Variants in BAIAP2L1 observed in about 807,000 individuals in gnomAD.
BAIAP2L1 encodes the protein BAR/IMD domain-containing adapter protein 2-like 1.
BAIAP2L1 carries 35 observed loss-of-function variants against 66.3 expected under a neutral mutation model. The ratio of observed to expected loss-of-function variants is 0.53; its 90% CI spans 0.40 to 0.70. The LOEUF is 0.70. Ranked by LOEUF, BAIAP2L1 falls within the 30% of genes least tolerant of loss-of-function variation. BAIAP2L1 has a pLI of 0.00. For synonymous variants in BAIAP2L1, 269 were observed against 248.7 expected (o/e 1.08, Z -0.77); for missense variants, 622 against 656.9 (o/e 0.95, Z 0.58).
chr7:98,392,035 T>C (rs1803057306), intron 1 of BAIAP2L1, among the ~76,000 whole-genome samples: 1 of 151,928 alleles, frequency 6.6e-6, no homozygotes, highest in African/African-American at 2.4e-5. Context: ...GAAGTGGTTT[T>C]AAAAGATCTA....
chr7:98,314,755 A>G (rs1801010161), intron 7 of BAIAP2L1, among the ~76,000 whole-genome samples: 2 of 152,128 alleles, frequency 1.3e-5, no homozygotes, highest in African/African-American at 4.8e-5. Context: ...TGAAGGGAGC[A>G]TCTCAAATCG....
At chr7:98,347,786 A>AAC (rs966302941) in intron 3 of BAIAP2L1, among the ~76,000 whole-genome samples, 2 of 152,146 alleles carry the variant, frequency 1.3e-5, no homozygotes, top group African/African-American at 4.8e-5. Flanking sequence ...TCAAAAAAAA[A>AAC]AAGAAATTAG....
chr7:98,355,406 G>A, intron 2 of BAIAP2L1: 1 of 458,786 alleles, frequency 2.2e-6, no homozygotes, highest in Middle Eastern at 6.2e-4. Flanking sequence ...GCTTGCTCCT[G>A]ATGCCAGTTT....
intron 1 of BAIAP2L1, among the ~76,000 whole-genome samples, chr7:98,363,650 C>T (rs577380436): frequency 4.6e-5 from 7 of 152,266 alleles, no homozygotes; most frequent in African/African-American, 1.2e-4. Context: ...ACTCACAACA[C>T]GTGGCGATTG....
chr7:98,313,936 ACTAATT>A (rs1332850006), intron 7 of BAIAP2L1, among the ~76,000 whole-genome samples: 2 of 147,558 alleles, frequency 1.4e-5, no homozygotes, highest in Non-Finnish European at 3.0e-5. Context: ...GGCCTGCTGT[ACTAATT>A]TTAAATCTTA....
intron 3 of BAIAP2L1, among the ~76,000 whole-genome samples, chr7:98,323,773 C>T (rs749230787): frequency 6.6e-6 from 1 of 152,222 alleles, no homozygotes; most frequent in Non-Finnish European, 1.5e-5. Context: ...CAGATGCCGA[C>T]CTCACAGCAG....
intron 9 of BAIAP2L1, chr7:98,308,790 TC>T (rs1338596963): frequency 1.9e-5 from 3 of 155,456 alleles, no homozygotes; most frequent in Non-Finnish European, 4.3e-5. Context: ...GGATCCTCCC[TC>T]CTCAGCCTCC....
At chr7:98,335,670 G>A (rs1300582690) in intron 3 of BAIAP2L1, among the ~76,000 whole-genome samples, 1 of 152,042 alleles carries the variant, frequency 6.6e-6, no homozygotes, top group African/African-American at 2.4e-5. Flanking sequence ...TCACATCCTT[G>A]CCTCACCAGA....
chr7:98,344,796 C>T (rs928439989), intron 3 of BAIAP2L1, among the ~76,000 whole-genome samples: 1 of 152,062 alleles, frequency 6.6e-6, no homozygotes, highest in East Asian at 1.9e-4. Context: ...ATTAGCCAGG[C>T]GTGGTGGCAC....
chr7:98,331,153 T>A (rs1801486319), intron 3 of BAIAP2L1, among the ~76,000 whole-genome samples: 1 of 152,138 alleles, frequency 6.6e-6, no homozygotes, highest in South Asian at 2.1e-4. Context: ...TGAATGAGCT[T>A]GAAGATACGT....
chr7:98,315,927 G>A (rs1801063918), intron 6 of BAIAP2L1, among the ~76,000 whole-genome samples: 1 of 152,060 alleles, frequency 6.6e-6, no homozygotes, highest in African/African-American at 2.4e-5. Flanking sequence ...TTTGGAACCA[G>A]AAAGTTCCAG....
chr7:98,393,104 CATATATGTACACATATATGT>C lies in BAIAP2L1; in HGVS notation c.51+7678_51+7697del, dbSNP rs1357023096. Among the ~76,000 whole-genome samples the C allele has an allele frequency of 3.4e-5, 3 of 88,998 alleles. 1 individual carries two copies. Among genetic ancestry groups the C allele is most frequent in the African/African-American group, 1.4e-4 (3 of 21,594 alleles). The allele number at this position is 88,998 out of a possible 152,430, so 58.4% of individuals were successfully genotyped here. ...ACACATATATACATATATACGTGTACATATATGTACACATATATGTATATATACACACATATGTGTACATA... is the reference window on the plus strand; with the variant it reads ...ACACATATATACATATATACGTGTACATATATACACACATATGTGTACATA... On this transcript the variant is annotated intron_variant, in intron 1 of 13. Transcript: ENST00000005260.
At position 98,344,808 on chromosome 7, in the gene BAIAP2L1, T is replaced by C. The variant is rs1195529560; in HGVS notation, c.214+10234A>G. On this transcript the variant is annotated intron_variant, in intron 3 of 13. Transcript: ENST00000005260. ...AAAATTAGCCAGGCGTGGTGGCACA[T>C]GCCTGTAATCCCAGCTACTTGGGAG... Among the ~76,000 whole-genome samples the C allele has an allele frequency of 2.6e-5, 4 of 152,166 alleles. No homozygotes were observed. In the East Asian group the frequency reaches 5.8e-4, roughly 22 times the overall value.
At chr7:98,353,478 T>C (rs1802046563) in intron 3 of BAIAP2L1, among the ~76,000 whole-genome samples, 1 of 135,730 alleles carries the variant, frequency 7.4e-6, no homozygotes, top group African/African-American at 2.7e-5. Flanking sequence ...AATATACATA[T>C]TTACATTATA....
intron 1 of BAIAP2L1, among the ~76,000 whole-genome samples, chr7:98,391,958 T>C (rs756282684): frequency 2.6e-5 from 4 of 152,038 alleles, no homozygotes; most frequent in Non-Finnish European, 4.4e-5. Flanking sequence ...AATGTCCATA[T>C]TCTATATGGT....
intron 1 of BAIAP2L1, among the ~76,000 whole-genome samples, chr7:98,371,797 C>CT (rs201576582): frequency 2.1e-3 from 288 of 140,122 alleles, no homozygotes; most frequent in Middle Eastern, 3.6e-3. Flanking sequence ...CTTTTAGTTT[C>CT]TTTTTTTTTT....
At chr7:98,355,400 G>T (rs1802096033) in intron 2 of BAIAP2L1, 2 of 467,436 alleles carry the variant, frequency 4.3e-6, no homozygotes, top group Non-Finnish European at 7.9e-6. Flanking sequence ...GGCTCAGCTT[G>T]CTCCTGATGC....
rs1801438788 is a variant in BAIAP2L1 at position 98,329,138 on chromosome 7, C to T, written c.215-8840G>A. ...GCAAAGGCACTTCCGGTTTCCACTC[C>T]AGCACGTCTAAGAGCTTAGAGGTCG... On this transcript the variant is annotated intron_variant, in intron 3 of 13. Transcript: ENST00000005260. Among the ~76,000 whole-genome samples, 3 of 152,176 alleles carry T rather than the reference C, an allele frequency of 2.0e-5. No homozygotes were observed. The South Asian group carries it at 6.2e-4, about 32-fold the overall frequency.
At chr7:98,294,587 A>T (rs1449397560) in intron 12 of BAIAP2L1, among the ~76,000 whole-genome samples, 1 of 152,220 alleles carries the variant, frequency 6.6e-6, no homozygotes, top group Admixed American at 6.5e-5. Flanking sequence ...GCGACATCAC[A>T]GAAGAAAACA....
Sources: allele counts gnomAD v4.1 joint callset (sites outside exome capture counted in the v4.1 genomes callset), GRCh38; gene constraint gnomAD v4.1.1; transcripts MANE v1.5; gene names NCBI Gene and HGNC (gene_info 2026-07-23, HGNC 2026-07-21).